The following SLC38A6 variants were observed in gnomAD, a reference collection of about 807,000 sequenced individuals.
SLC38A6 encodes the protein solute carrier family 38 member 6.
A neutral mutation model predicts 65.0 loss-of-function variants in SLC38A6; 73 were observed. The observed-to-expected ratio is 1.12, with a 90% CI of 0.93 to 1.37. SLC38A6 has a LOEUF of 1.37. Among genes scored for constraint, SLC38A6 ranks in the 40% most tolerant of loss-of-function variants. SLC38A6 has a pLI of 0.00. For missense variants in SLC38A6, 561 were observed against 531.1 expected (o/e 1.06, Z -0.55); for synonymous variants, 183 against 178.8 (o/e 1.02, Z -0.19).
chr14:61,083,600 G>A (rs2043741496), exon 17 of SLC38A6: 1 of 1,550,404 alleles, frequency 6.4e-7, no homozygotes, highest in South Asian at 1.2e-5. Flanking sequence ...GGCCACGCAA[G>A]GACACAGCAA....
chr14:61,080,523 G>A (rs887759764), intron 16 of SLC38A6, among the ~76,000 whole-genome samples: 1 of 152,210 alleles, frequency 6.6e-6, no homozygotes, highest in East Asian at 1.9e-4. Flanking sequence ...TGCAGCTTCA[G>A]TCTGAACTTG....
intron 3 of SLC38A6, among the ~76,000 whole-genome samples, chr14:61,014,552 G>A (rs375636008): frequency 2.0e-5 from 3 of 152,078 alleles, no homozygotes; most frequent in South Asian, 2.1e-4. Context: ...TGACGTACAG[G>A]TGGGGTTTTG....
At chr14:61,064,508 G>A (rs1243810810) in intron 15 of SLC38A6, among the ~76,000 whole-genome samples, 2 of 150,822 alleles carry the variant, frequency 1.3e-5, no homozygotes, top group Non-Finnish European at 3.0e-5. Flanking sequence ...ACAAAACTTA[G>A]TAGCAAGAAA....
In SLC38A6 at chr14:60,982,544, G is replaced by A; in HGVS notation, c.142G>A (p.Gly48Ser). 1 of 1,613,496 alleles carries A rather than the reference G, an allele frequency of 6.2e-7. No individual in the cohort carries two copies. The highest frequency in any genetic ancestry group is 8.5e-7 in the Non-Finnish European group (1 of 1,179,900). Reference sequence around the variant, plus strand: ...ACAGCGATCCCCAGGTGTTTCATTTGGTTTATCAGTGTTTAATTTGATGAA... The same window carrying A: ...ACAGCGATCCCCAGGTGTTTCATTTAGTTTATCAGTGTTTAATTTGATGAA... ...HRQRSPGVSF[G>S]LSVFNLMNAI... is the part of the protein sequence containing the mutation. The change falls in exon 2 of 16, where the codon GGT becomes AGT. Residue 48 changes from glycine to serine, a missense_variant. Gly to Ser is a moderately conservative substitution (Grantham distance 56). Transcript: ENST00000267488.
At chr14:60,982,469 G>C (rs745813656) in intron 1 of SLC38A6, 39 bp from the exon 2 acceptor site, 1 of 1,584,478 alleles carries the variant, frequency 6.3e-7, no homozygotes, top group Non-Finnish European at 8.6e-7. Context: ...TAACTTCACC[G>C]TCCAAACATT....
chr14:60,986,320 A>G (rs575705587), intron 3 of SLC38A6, among the ~76,000 whole-genome samples: 1 of 152,346 alleles, frequency 6.6e-6, no homozygotes, highest in East Asian at 1.9e-4. Context: ...GAGACTCAAG[A>G]ATATGTTTTT....
At chr14:61,075,991 G>A (rs140080736) in intron 15 of SLC38A6, among the ~76,000 whole-genome samples, 1,760 of 152,204 alleles carry the variant, frequency 0.012, 17 homozygotes, top group Middle Eastern at 0.048. Flanking sequence ...AAGTAGCTGG[G>A]ATTACAGGCA....
intron 15 of SLC38A6, among the ~76,000 whole-genome samples, chr14:61,064,102 T>A (rs1239198183): frequency 2.0e-5 from 3 of 152,126 alleles, no homozygotes; most frequent in Non-Finnish European, 2.9e-5. Flanking sequence ...AGGTGCACGT[T>A]TTGAGTGCTT....
At chr14:61,004,464 A>G (rs944938882) in intron 3 of SLC38A6, 2 of 152,228 alleles carry the variant, frequency 1.3e-5, no homozygotes, top group Non-Finnish European at 2.9e-5. Context: ...CGGAAAAGAG[A>G]GAAGAACCAA....
chr14:61,071,398 T>C (rs2043219523), intron 15 of SLC38A6, among the ~76,000 whole-genome samples: 2 of 152,246 alleles, frequency 1.3e-5, no homozygotes, highest in Admixed American at 6.5e-5. Flanking sequence ...AAAGATTTTA[T>C]TGGCTGGGCA....
At chr14:61,041,671 G>T (rs967771344) in intron 8 of SLC38A6, among the ~76,000 whole-genome samples, 1 of 152,178 alleles carries the variant, frequency 6.6e-6, no homozygotes, top group Non-Finnish European at 1.5e-5. Context: ...GCCTGGGACA[G>T]GCGGATTACT....
chr14:61,055,112 T>C (rs1350047881), downstream of SLC38A6, among the ~76,000 whole-genome samples: 1 of 133,346 alleles, frequency 7.5e-6, no homozygotes, highest in Non-Finnish European at 1.6e-5. Flanking sequence ...TTTTCTTTTT[T>C]TTTTTCTTTT....
intron 8 of SLC38A6, among the ~76,000 whole-genome samples, chr14:61,042,320 A>G (rs1360840139): frequency 6.6e-6 from 1 of 152,216 alleles, no homozygotes; most frequent in Admixed American, 6.5e-5. Flanking sequence ...TTGGTCTCCT[A>G]CAAAGAACAA....
At chr14:61,054,736 G>C (rs1263732704), downstream of SLC38A6, among the ~76,000 whole-genome samples, 1 of 152,144 alleles carries the variant, frequency 6.6e-6, no homozygotes, top group Non-Finnish European at 1.5e-5. Context: ...CTGAAACTTT[G>C]CTGAAGTTAT....
At chr14:60,988,864 C>T (rs1220727324) in intron 3 of SLC38A6, among the ~76,000 whole-genome samples, 3 of 152,190 alleles carry the variant, frequency 2.0e-5, no homozygotes, top group Non-Finnish European at 4.4e-5. Flanking sequence ...TTCACATTTG[C>T]ACCCATGCAT....
At chr14:61,068,633 C>A (rs2043111636) in intron 15 of SLC38A6, among the ~76,000 whole-genome samples, 1 of 152,202 alleles carries the variant, frequency 6.6e-6, no homozygotes, top group Admixed American at 6.5e-5. Flanking sequence ...CCCTGCCTGT[C>A]TTATGGTCAT....
At chr14:61,037,030 T>G in intron 6 of SLC38A6, 29 bp from the exon 7 acceptor site, 1 of 1,224,832 alleles carries the variant, frequency 8.2e-7, no homozygotes, top group Non-Finnish European at 1.2e-6. Context: ...TGGAGTCCCA[T>G]GCCTAAAGTA....
At position 60,981,246 on chromosome 14, in the gene SLC38A6, T is replaced by C. The variant is rs768801780; in HGVS notation, c.-32T>C. 1 of 1,571,190 alleles carries C rather than the reference T, an allele frequency of 6.4e-7. No individual in the cohort carries two copies. Among genetic ancestry groups the C allele is most frequent in the South Asian group, 1.2e-5 (1 of 86,058 alleles). On this transcript the variant is annotated 5_prime_UTR_variant, in exon 1 of 16. Coordinates refer to ENST00000267488, the MANE Select transcript of SLC38A6 (RefSeq NM_153811.3). ...AGCGCAGGGCAGGGGTAGAGGCTCG[T>C]AGATGGAACTGGTAGTCAGCTGGAG...
At chr14:61,012,230 T>A (rs1027048571) in intron 3 of SLC38A6, among the ~76,000 whole-genome samples, 2 of 152,140 alleles carry the variant, frequency 1.3e-5, no homozygotes, top group African/African-American at 4.8e-5. Context: ...GGTGGTGATA[T>A]CCCCTTTATC....
Sources: gnomAD v4.1 joint callset for allele counts (sites outside exome capture counted in the v4.1 genomes callset) on GRCh38, gnomAD v4.1.1 for gene constraint, MANE v1.5 for transcripts, NCBI Gene and HGNC (gene_info 2026-07-23, HGNC 2026-07-21) for gene names.